FOCAD: variants seen among roughly 807,000 people sequenced by gnomAD.
The protein encoded by FOCAD is focadhesin, also known as KIAA1797.
A neutral mutation model predicts 225.6 loss-of-function variants in FOCAD; 198 were observed. That is an observed-to-expected ratio of 0.88 (90% CI 0.78 to 0.99). The LOEUF is 0.99. FOCAD is among the 50% of genes least tolerant of loss of function. The probability of loss-of-function intolerance (pLI) is 0.00; values close to 1 mark genes in which losing one functional copy is unlikely to be tolerated. For missense variants in FOCAD, 2,713 were observed against 2,123.6 expected (o/e 1.28, Z -5.46); for synonymous variants, 897 against 755.0 (o/e 1.19, Z -3.08).
chr9:20,894,124 A>G (rs910835642), intron 21 of FOCAD, among the ~76,000 whole-genome samples: 4 of 152,058 alleles, frequency 2.6e-5, no homozygotes, highest in African/African-American at 9.7e-5. Context: ...AGTTGGAATC[A>G]TACGGTATAT....
intron 40 of FOCAD, among the ~76,000 whole-genome samples, chr9:20,986,908 C>T (rs1841219077): frequency 6.6e-6 from 1 of 152,158 alleles, no homozygotes; most frequent in Non-Finnish European, 1.5e-5. Flanking sequence ...ATAATCAAAT[C>T]CTGCCACCCT....
intron 2 of FOCAD, among the ~76,000 whole-genome samples, chr9:20,677,698 A>T (rs1474638255): frequency 6.6e-6 from 1 of 151,870 alleles, no homozygotes; most frequent in African/African-American, 2.4e-5. Flanking sequence ...AGTGTTAAGG[A>T]TGTGGAGAAA....
chr9:20,879,482 C>G (rs756068892), intron 19 of FOCAD, among the ~76,000 whole-genome samples: 6 of 152,102 alleles, frequency 3.9e-5, no homozygotes, highest in Non-Finnish European at 7.4e-5. Flanking sequence ...TATATTTATT[C>G]CAAATAGTTA....
At chr9:20,783,558 T>C (rs949608904) in intron 10 of FOCAD, among the ~76,000 whole-genome samples, 14 of 151,576 alleles carry the variant, frequency 9.2e-5, no homozygotes, top group African/African-American at 3.2e-4. Context: ...TCAGCCTCCC[T>C]GAGTCAAGAT....
intron 21 of FOCAD, among the ~76,000 whole-genome samples, chr9:20,893,923 C>T (rs528687362): frequency 2.0e-5 from 3 of 152,240 alleles, no homozygotes; most frequent in Admixed American, 6.5e-5. Flanking sequence ...TGGTGTTAAA[C>T]ATTCTATGGG....
At chr9:20,942,796 C>T (rs1836800639) in intron 28 of FOCAD, among the ~76,000 whole-genome samples, 1 of 152,112 alleles carries the variant, frequency 6.6e-6, no homozygotes, top group Non-Finnish European at 1.5e-5. Context: ...AGATAATAAT[C>T]AACCAATACC....
intron 5 of FOCAD, among the ~76,000 whole-genome samples, chr9:20,756,136 C>T (rs1401056013): frequency 6.6e-6 from 1 of 152,132 alleles, no homozygotes; most frequent in Non-Finnish European, 1.5e-5. Context: ...AATTGGGAAA[C>T]ATGAATGATT....
chr9:20,871,791 G>C (rs1286170999), intron 18 of FOCAD, among the ~76,000 whole-genome samples: 1 of 148,868 alleles, frequency 6.7e-6, no homozygotes, highest in Non-Finnish European at 1.5e-5. Context: ...GTAGCATTAG[G>C]AGATATACCT....
chr9:20,791,086 C>T (rs971167558), intron 11 of FOCAD, among the ~76,000 whole-genome samples: 2 of 152,126 alleles, frequency 1.3e-5, no homozygotes, highest in African/African-American at 4.8e-5. Context: ...GTAGGATAAT[C>T]TCTAGAATAG....
intron 2 of FOCAD, 35 bp downstream of exon 2, chr9:20,715,445 A>G (rs772718708): frequency 7.5e-7 from 1 of 1,329,552 alleles, no homozygotes; most frequent in Non-Finnish European, 1.0e-6. Context: ...TCATGGTAAC[A>G]AATAAACCTG....
At chr9:20,835,925 G>T (rs757181257) in intron 15 of FOCAD, among the ~76,000 whole-genome samples, 1 of 152,088 alleles carries the variant, frequency 6.6e-6, no homozygotes, top group Non-Finnish European at 1.5e-5. Context: ...CTTTCCTGGG[G>T]ATTCTTGACC....
chr9:20,910,763 T>A (rs1322860708), intron 22 of FOCAD, among the ~76,000 whole-genome samples: 1 of 152,030 alleles, frequency 6.6e-6, no homozygotes, highest in African/African-American at 2.4e-5. Context: ...AAGTCAAGAA[T>A]TGGAAGGCGC....
At chr9:20,678,414 G>A (rs191068371) in intron 2 of FOCAD, among the ~76,000 whole-genome samples, 3 of 152,120 alleles carry the variant, frequency 2.0e-5, no homozygotes, top group Non-Finnish European at 2.9e-5. Flanking sequence ...ATCCAGGAGG[G>A]ACCAGCAAAA....
At chr9:20,851,557 C>G (rs1451034158) in intron 15 of FOCAD, among the ~76,000 whole-genome samples, 1 of 151,708 alleles carries the variant, frequency 6.6e-6, no homozygotes, top group Non-Finnish European at 1.5e-5. Context: ...AAAGTAAATT[C>G]ACTAATAAAG....
intron 21 of FOCAD, among the ~76,000 whole-genome samples, chr9:20,899,075 A>T (rs1172356887): frequency 6.6e-6 from 1 of 151,900 alleles, no homozygotes; most frequent in African/African-American, 2.4e-5. Flanking sequence ...GCTTTCCCCC[A>T]GGCTGGTTAG....
At chr9:20,693,156 A>G (rs1473351170) in intron 1 of FOCAD, among the ~76,000 whole-genome samples, 1 of 152,064 alleles carries the variant, frequency 6.6e-6, no homozygotes, top group African/African-American at 2.4e-5. Flanking sequence ...CTCCAACTCC[A>G]TTTACAGCCA....
At position 20,982,362 on chromosome 9, in the gene FOCAD, G is replaced by A. The variant is rs1840774079; in HGVS notation, c.4644G>A (p.Lys1548=). 1.2e-6 allele frequency: 2 copies of A among 1,608,984 alleles called. No homozygotes were observed. Among genetic ancestry groups the A allele is most frequent in the Admixed American group, 3.4e-5 (2 of 59,538 alleles). The part of the protein sequence containing the change: ...FDLLPNKIRR[K]DLELYISIAK... ...TTGGGATTTTTCTTTATCAGAGAAA[G>A]GATCTAGAGCTGTATATCAGCATAG... is the stretch of plus-strand genomic sequence containing the variant. Residue 1548 remains lysine (K), a synonymous_variant, in exon 39 of 44, where the codon AAG becomes AAA. Transcript: ENST00000338382.
rs117697597 is a variant in FOCAD at position 20,966,776 on chromosome 9, T to C, written c.4133-9644T>C. On this transcript the variant is annotated intron_variant, in intron 35 of 43. Transcript: ENST00000338382. ...CACCATTTATTGAAGAAATCATTCT[T>C]TCCCCCATTGAAGGATCTTGGCACC... Among the ~76,000 whole-genome samples, 1,010 of 152,216 alleles carry C rather than the reference T, an allele frequency of 6.6e-3. 8 individuals carry two copies. The highest frequency in any genetic ancestry group is 0.029 in the South Asian group (142 of 4,830).
At chr9:20,981,782 G>A in intron 38 of FOCAD, 96 bp downstream of exon 38, 2 of 1,340,938 alleles carry the variant, frequency 1.5e-6, no homozygotes, top group Non-Finnish European at 2.0e-6. Context: ...TTAAGAATGT[G>A]GGTGGGAAGG....
Sources: allele counts gnomAD v4.1 joint callset (sites outside exome capture counted in the v4.1 genomes callset), GRCh38; gene constraint gnomAD v4.1.1; transcripts MANE v1.5; gene names NCBI Gene and HGNC (gene_info 2026-07-23, HGNC 2026-07-21).